Variants in SMIM13 observed in about 807,000 individuals in gnomAD.
SMIM13 encodes small integral membrane protein 13, also known as UPF0766 protein C6orf228.
Under a neutral mutation model 5.9 loss-of-function variants are expected in SMIM13, and 3 were observed. The ratio of observed to expected loss-of-function variants is 0.51; its 90% CI spans 0.23 to 1.31. The LOEUF is 1.31. Ranked by LOEUF, SMIM13 falls within the 40% of genes most tolerant of loss-of-function variation. SMIM13 has a pLI of 0.18. For missense variants in SMIM13, 85 were observed against 109.9 expected (o/e 0.77, Z 1.01); for synonymous variants, 55 against 46.0 (o/e 1.19, Z -0.79).
chr6:11,118,828 A>G (rs1253871259), intron 1 of SMIM13, among the ~76,000 whole-genome samples: 1 of 152,238 alleles, frequency 6.6e-6, no homozygotes, highest in Non-Finnish European at 1.5e-5. Context: ...AGCTTGTTAC[A>G]TGTATTAACT....
chr6:11,118,627 G>A (rs1252398410), intron 1 of SMIM13, among the ~76,000 whole-genome samples: 1 of 152,124 alleles, frequency 6.6e-6, no homozygotes, highest in African/African-American at 2.4e-5. Context: ...ACCCAAAATA[G>A]GTCATATTGA....
chr6:11,128,460 C>T (rs1307768612), intron 1 of SMIM13, among the ~76,000 whole-genome samples: 2 of 152,132 alleles, frequency 1.3e-5, no homozygotes, highest in East Asian at 1.9e-4. Context: ...AGTGTCTCCC[C>T]GACCTGTGAG....
At chr6:11,130,727 T>C (rs1758442109) in intron 1 of SMIM13, among the ~76,000 whole-genome samples, 1 of 152,228 alleles carries the variant, frequency 6.6e-6, no homozygotes, top group Admixed American at 6.5e-5. Flanking sequence ...TCTAGCTGAA[T>C]GCTCTTGTAT....
Position 11,115,811 on chromosome 6 carries a change from A to G in SMIM13, c.77-18592A>G, listed in dbSNP as rs533634902. Among the ~76,000 whole-genome samples, 4 of 150,726 alleles carry G rather than the reference A, an allele frequency of 2.7e-5. No individual in the cohort carries two copies. In the East Asian group the frequency reaches 5.9e-4, roughly 22 times the overall value. Reference sequence around the variant, plus strand: ...GCAATTCTCCTGCCTCAGCCTCCCAAGTAGCTGGGATTACAAGCATGGGCC... The same window carrying G: ...GCAATTCTCCTGCCTCAGCCTCCCAGGTAGCTGGGATTACAAGCATGGGCC... On this transcript the variant is annotated intron_variant, in intron 1 of 1. Coordinates refer to ENST00000416247, the MANE Select transcript of SMIM13 (RefSeq NM_001135575.2).
At chr6:11,130,473 A>G (rs926971178) in intron 1 of SMIM13, among the ~76,000 whole-genome samples, 1 of 152,132 alleles carries the variant, frequency 6.6e-6, no homozygotes, top group East Asian at 1.9e-4. Context: ...ACCTCTCTCC[A>G]GATTTGAGGA....
intron 1 of SMIM13, among the ~76,000 whole-genome samples, chr6:11,132,829 T>C (rs11962880): frequency 0.019 from 2,925 of 152,170 alleles, 106 homozygotes; most frequent in African/African-American, 0.066. Context: ...TTGATGAAAA[T>C]GTTTTGGACT....
rs551707525 is a variant in SMIM13 at position 11,130,070 on chromosome 6, C to A, written c.77-4333C>A. 1.1e-4 allele frequency among the ~76,000 whole-genome samples: 16 copies of A among 152,162 alleles called. No homozygotes were observed. The South Asian group carries it at 3.3e-3, about 32-fold the overall frequency. ...TCCTAAGTATTATGATATGGAAACA[C>A]CCTGTCTTCCTGTCCTCCTCCTGTC... On this transcript the variant is annotated intron_variant, in intron 1 of 1. Coordinates refer to ENST00000416247, the MANE Select transcript of SMIM13 (RefSeq NM_001135575.2).
intron 1 of SMIM13, among the ~76,000 whole-genome samples, chr6:11,100,652 T>A (rs9468415): frequency 0.22 from 32,871 of 152,058 alleles, 3,899 homozygotes; most frequent in African/African-American, 0.31. Context: ...CATGAAAAAT[T>A]TTTTTTTGAG....
At position 11,105,052 on chromosome 6, in the gene SMIM13, T is replaced by C. The variant is rs1581912247; in HGVS notation, c.76+10663T>C. 2.5e-6 allele frequency: 4 copies of C among 1,614,220 alleles called. No homozygotes were observed. In the East Asian group the frequency reaches 6.7e-5, roughly 27 times the overall value. ...GTTGAAAGAAGACTATTTGCAGGCC[T>C]CATCAGTCCTTTCAGATTAGGGTCC... On this transcript the variant is annotated intron_variant, in intron 1 of 1. Coordinates refer to ENST00000416247, the MANE Select transcript of SMIM13 (RefSeq NM_001135575.2).
chr6:11,117,746 C>CTT (rs561151019), intron 1 of SMIM13, among the ~76,000 whole-genome samples: 2 of 141,028 alleles, frequency 1.4e-5, no homozygotes, highest in Non-Finnish European at 1.6e-5. Flanking sequence ...TATGGTCTAT[C>CTT]TTTTTTTTTT....
Position 11,134,652 on chromosome 6 carries a change from C to T in SMIM13, c.*50C>T, listed in dbSNP as rs72825155. 1 of 1,312,248 alleles carries T rather than the reference C, an allele frequency of 7.6e-7. No homozygotes were observed. The highest frequency in any genetic ancestry group is 1.5e-5 in the African/African-American group (1 of 66,492). 81.3% of individuals were successfully genotyped at this position (1,312,248 alleles called of 1,614,324 possible). The stretch of plus-strand genomic sequence containing the variant: ...GGCAGTTGCCAGCTTCTGTCTTTTA[C>T]TGACTTCGCTTTGAAATTTACTAAT... On this transcript the variant is annotated 3_prime_UTR_variant, in exon 2 of 2. Transcript: ENST00000416247.
intron 1 of SMIM13, among the ~76,000 whole-genome samples, chr6:11,095,641 T>G (rs1009928595): frequency 1.3e-5 from 2 of 152,244 alleles, no homozygotes; most frequent in African/African-American, 4.8e-5. Flanking sequence ...CATGAGTCAC[T>G]GCATCCGGCC....
At chr6:11,134,106 G>T (rs1758487404) in intron 1 of SMIM13, among the ~76,000 whole-genome samples, 1 of 151,554 alleles carries the variant, frequency 6.6e-6, no homozygotes, top group African/African-American at 2.4e-5. Flanking sequence ...TCAAAAATTT[G>T]ATTTTAGTAT....
rs56690344 is a variant in SMIM13, at chr6:11,135,334, C to G, written c.*732C>G. The G allele has an allele frequency of 2.6e-5, 4 of 152,574 alleles. No individual in the cohort carries two copies. Among genetic ancestry groups the G allele is most frequent in the South Asian group, 2.1e-4 (1 of 4,832 alleles). The allele number at this position is 152,574 out of a possible 1,614,324, so 9.5% of individuals were successfully genotyped here. A position where few individuals can be genotyped will look rare whatever the true frequency, so the allele number is the denominator to read the frequency against. On this transcript the variant is annotated 3_prime_UTR_variant, in exon 2 of 2. Coordinates refer to ENST00000416247, the MANE Select transcript of SMIM13 (RefSeq NM_001135575.2). ...GTACCCACAAGTAGATGAAGCTGTA[C>G]TACGTTTCGTCAGTGAGACACGTGC...
intron 1 of SMIM13, among the ~76,000 whole-genome samples, chr6:11,116,446 A>G (rs896605031): frequency 1.3e-5 from 2 of 152,242 alleles, no homozygotes; most frequent in African/African-American, 2.4e-5. Flanking sequence ...CACATTTGAC[A>G]TAATTTCTTT....
intron 1 of SMIM13, chr6:11,103,505 G>T: frequency 6.1e-6 from 5 of 818,932 alleles, no homozygotes; most frequent in Non-Finnish European, 8.9e-6. Context: ...ACGAAGGTCA[G>T]TCTTCTTTAA....
intron 1 of SMIM13, among the ~76,000 whole-genome samples, chr6:11,133,656 G>C (rs904726117): frequency 6.6e-6 from 1 of 151,786 alleles, no homozygotes; most frequent in East Asian, 1.9e-4. Flanking sequence ...GTTTTCTCCT[G>C]TGTGTTCCTT....
intron 1 of SMIM13, among the ~76,000 whole-genome samples, chr6:11,126,306 C>T (rs899837018): frequency 2.6e-5 from 4 of 152,204 alleles, no homozygotes; most frequent in African/African-American, 7.2e-5. Flanking sequence ...CCTCGGCTTC[C>T]CAAAGTGCTG....
intron 1 of SMIM13, among the ~76,000 whole-genome samples, chr6:11,125,989 G>C (rs1162827706): frequency 6.6e-6 from 1 of 152,074 alleles, no homozygotes. Context: ...CTATTCTCTA[G>C]ATCTTATAGA....
Sources: gnomAD v4.1 joint callset for allele counts (sites outside exome capture counted in the v4.1 genomes callset) on GRCh38, gnomAD v4.1.1 for gene constraint, MANE v1.5 for transcripts, NCBI Gene and HGNC (gene_info 2026-07-23, HGNC 2026-07-21) for gene names.